GNB4: variants seen among roughly 807,000 people sequenced by gnomAD.
GNB4 encodes guanine nucleotide-binding protein subunit beta-4.
A neutral mutation model predicts 45.2 loss-of-function variants in GNB4; 28 were observed. The ratio of observed to expected loss-of-function variants is 0.62; its 90% CI spans 0.46 to 0.85. GNB4 has a LOEUF of 0.85. GNB4 is among the 40% of genes least tolerant of loss of function. The pLI, the probability that GNB4 is intolerant of heterozygous loss-of-function variation, is 0.00. For missense variants in GNB4, 321 were observed against 425.4 expected (o/e 0.75, Z 2.16); for synonymous variants, 132 against 143.7 (o/e 0.92, Z 0.58).
At chr3:179,494,395 G>A in the GNB4 span, among the ~76,000 whole-genome samples, 3 of 151,936 alleles carry the variant, frequency 2.0e-5, no homozygotes, top group Admixed American at 6.6e-5. Flanking sequence ...ATCACTAGCT[G>A]GGTGTTGTGG....
At chr3:179,468,029 G>T in the GNB4 span, among the ~76,000 whole-genome samples, 2 of 48,374 alleles carry the variant, frequency 4.1e-5, no homozygotes, top group African/African-American at 1.7e-4. Flanking sequence ...TCATTTTGTT[G>T]ATAAAAATAT....
At position 179,397,618 on chromosome 3, in the gene GNB4, A is replaced by T. The variant is rs2108571076; in HGVS notation, c.*3595T>A. 6.5e-6 allele frequency: 1 copy of T among 152,754 alleles called. No homozygotes were observed. The highest frequency in any genetic ancestry group is 2.1e-4 in the South Asian group (1 of 4,828). 9.5% of individuals were successfully genotyped at this position (152,754 alleles called of 1,614,324 possible). A position where few individuals can be genotyped will look rare whatever the true frequency, so the allele number is the denominator to read the frequency against. On this transcript the variant is annotated 3_prime_UTR_variant, in exon 10 of 10. Transcript: ENST00000232564. ...GGAATTCAATGTGGTGTGTGTAATC[A>T]CAAGTAAAAACTTGAGCTAGGGAGG...
At chr3:179,519,572 T>C in the GNB4 span, among the ~76,000 whole-genome samples, 1 of 152,168 alleles carries the variant, frequency 6.6e-6, no homozygotes, top group African/African-American at 2.4e-5. Flanking sequence ...CAACACTCTT[T>C]TATGCACTCT....
intron 1 of GNB4, among the ~76,000 whole-genome samples, chr3:179,428,827 T>C (rs1396020925): frequency 6.6e-6 from 1 of 152,168 alleles, no homozygotes; most frequent in Non-Finnish European, 1.5e-5. Context: ...CCTACTGCTG[T>C]CCTTCCCCCA....
rs1254717048 is a variant in GNB4 at position 179,397,488 on chromosome 3, A to G, written c.*3725T>C. ...ATTATTTCCAGGAGACTAGTTTACT[A>G]CTATCATGCAATCGCTGAGGTCATA... On this transcript the variant is annotated 3_prime_UTR_variant, in exon 10 of 10. Transcript: ENST00000232564. 6.6e-6 allele frequency: 1 copy of G among 152,372 alleles called. No individual in the cohort carries two copies. Among genetic ancestry groups the G allele is most frequent in the African/African-American group, 2.4e-5 (1 of 41,448 alleles). The allele number at this position is 152,372 out of a possible 1,614,324, so 9.4% of individuals were successfully genotyped here. A position where few individuals can be genotyped will look rare whatever the true frequency, so the allele number is the denominator to read the frequency against.
chr3:179,401,056 C>G lies in GNB4; in HGVS notation c.*157G>C. On this transcript the variant is annotated 3_prime_UTR_variant, in exon 10 of 10. Coordinates refer to ENST00000232564, the MANE Select transcript of GNB4 (RefSeq NM_021629.4). ...GCCTTTGCCTTTTTTCCTCCACCCCCACTTTTTTTTTGGTAGTTTACTGAA... is the reference window on the plus strand; with the variant it reads ...GCCTTTGCCTTTTTTCCTCCACCCCGACTTTTTTTTTGGTAGTTTACTGAA... 10 of 522,442 alleles carry G rather than the reference C, an allele frequency of 1.9e-5. No individual in the cohort carries two copies. The South Asian group carries it at 3.3e-4, about 17-fold the overall frequency. The allele number at this position is 522,442 out of a possible 1,614,324, so 32.4% of individuals were successfully genotyped here. A position where few individuals can be genotyped will look rare whatever the true frequency, so the allele number is the denominator to read the frequency against.
the GNB4 span, among the ~76,000 whole-genome samples, chr3:179,511,610 A>C: frequency 6.6e-6 from 1 of 152,164 alleles, no homozygotes; most frequent in Non-Finnish European, 1.5e-5. Flanking sequence ...TTTGTACCTC[A>C]GTCTCCTTAT....
the GNB4 span, among the ~76,000 whole-genome samples, chr3:179,479,908 T>C: frequency 1.3e-5 from 2 of 152,364 alleles, no homozygotes; most frequent in East Asian, 3.9e-4. Flanking sequence ...TTTGAATGTA[T>C]TTCCCAAAAG....
chr3:179,511,672 A>G, the GNB4 span, among the ~76,000 whole-genome samples: 1 of 152,158 alleles, frequency 6.6e-6, no homozygotes, highest in Non-Finnish European at 1.5e-5. Context: ...TGAGGATTAA[A>G]TGATGTTAAT....
chr3:179,478,534 T>G, the GNB4 span, among the ~76,000 whole-genome samples: 2 of 151,954 alleles, frequency 1.3e-5, no homozygotes, highest in Admixed American at 6.6e-5. Context: ...GTTTTTTGGG[T>G]TTTTGTTTTG....
At chr3:179,473,032 A>G in the GNB4 span, among the ~76,000 whole-genome samples, 1 of 152,162 alleles carries the variant, frequency 6.6e-6, no homozygotes, top group Non-Finnish European at 1.5e-5. Context: ...CCATGGTGGC[A>G]CACGCCTGTA....
chr3:179,496,720 G>A, the GNB4 span, among the ~76,000 whole-genome samples: 1 of 152,028 alleles, frequency 6.6e-6, no homozygotes, highest in African/African-American at 2.4e-5. Context: ...TATACATAAA[G>A]TCAAAACTGT....
the GNB4 span, among the ~76,000 whole-genome samples, chr3:179,527,439 C>T: frequency 6.6e-6 from 1 of 152,120 alleles, no homozygotes; most frequent in Admixed American, 6.5e-5. Flanking sequence ...GTTGAGAAAG[C>T]TTTCTTAAAT....
chr3:179,449,947 AACAATTCTACAGGTT>A (rs1715826927), intron 1 of GNB4, among the ~76,000 whole-genome samples: 1 of 152,224 alleles, frequency 6.6e-6, no homozygotes, highest in Non-Finnish European at 1.5e-5. Flanking sequence ...GTTTAAAAGA[AACAATTCTACAGGTT>A]AACAAAGGCC....
At chr3:179,420,232 G>A (rs997137938) in intron 3 of GNB4, among the ~76,000 whole-genome samples, 12 of 148,882 alleles carry the variant, frequency 8.1e-5, no homozygotes, top group Non-Finnish European at 1.2e-4. Flanking sequence ...AGGTTCAAGC[G>A]ATTATCCTGC....
intron 1 of GNB4, among the ~76,000 whole-genome samples, chr3:179,444,475 C>T (rs573949258): frequency 4.7e-4 from 69 of 148,232 alleles, no homozygotes; most frequent in Middle Eastern, 3.5e-3. Flanking sequence ...CCTTTTAATA[C>T]GTAATACAGA....
At chr3:179,407,883 A>G (rs112504550) in intron 8 of GNB4, among the ~76,000 whole-genome samples, 199 of 152,296 alleles carry the variant, frequency 1.3e-3, no homozygotes, top group Middle Eastern at 6.8e-3. Flanking sequence ...CTCATTATAC[A>G]CCGGAAAAAC....
chr3:179,405,655 ACTGGCT>A, intron 8 of GNB4: 1 of 393,012 alleles, frequency 2.5e-6, no homozygotes, highest in Non-Finnish European at 4.6e-6. Flanking sequence ...TTCAACAAAT[ACTGGCT>A]CTGGTTCTCC....
intron 1 of GNB4, among the ~76,000 whole-genome samples, chr3:179,438,927 C>A (rs148538057): frequency 6.6e-6 from 1 of 152,208 alleles, no homozygotes; most frequent in Non-Finnish European, 1.5e-5. Flanking sequence ...ATCCCCCACC[C>A]TAAGGCCTTG....
Sources: gnomAD v4.1 joint callset for allele counts (sites outside exome capture counted in the v4.1 genomes callset) on GRCh38, gnomAD v4.1.1 for gene constraint, MANE v1.5 for transcripts, NCBI Gene and HGNC (gene_info 2026-07-23, HGNC 2026-07-21) for gene names.